Variants in APP observed in about 807,000 individuals in gnomAD.
APP encodes amyloid-beta precursor protein.
Under a neutral mutation model 101.4 loss-of-function variants are expected in APP, and 31 were observed. The observed-to-expected ratio is 0.31, with a 90% CI of 0.23 to 0.41. The LOEUF (loss-of-function observed/expected upper bound fraction) is 0.41, where lower values mean the gene tolerates loss of function less well. Among genes scored for constraint, APP ranks in the 10% least tolerant of loss-of-function variants. APP has a pLI of 1.00. For missense variants in APP, 839 were observed against 1,003.7 expected, an observed-to-expected ratio of 0.84 and a Z score of 2.22; for synonymous variants, 366 against 364.4, an observed-to-expected ratio of 1.00 and a Z score of -0.05.
At chr21:25,884,504 CTG>C (rs1446297380) in intron 17 of APP, among the ~76,000 whole-genome samples, 4 of 152,212 alleles carry the variant, frequency 2.6e-5, no homozygotes, top group South Asian at 2.1e-4. Context: ...TAACTGGTAA[CTG>C]TGTAATTAGC....
intron 4 of APP, 89 bp from the exon 5 acceptor site, chr21:26,051,282 CCAAT>C: frequency 7.6e-7 from 1 of 1,318,120 alleles, no homozygotes; most frequent in South Asian, 1.3e-5. Flanking sequence ...ACATGCAGAC[CCAAT>C]ATATTAGGAA....
rs542159565 is a variant in APP at position 25,948,969 on chromosome 21, T to C, written c.1687+5621A>G. ...ACTGAAATAATGATTCCATCGTTTGTTGAATGAAAAAATATTAATGAAGAC... is the reference window on the plus strand; with the variant it reads ...ACTGAAATAATGATTCCATCGTTTGCTGAATGAAAAAATATTAATGAAGAC... On this transcript the variant is annotated intron_variant, in intron 13 of 17. Coordinates refer to ENST00000346798, the MANE Select transcript of APP (RefSeq NM_000484.4). 1.1e-4 allele frequency among the ~76,000 whole-genome samples: 16 copies of C among 152,270 alleles called. No homozygotes were observed. In the East Asian group the frequency reaches 2.7e-3, roughly 26 times the overall value.
chr21:26,157,593 C>G (rs1376595260), intron 1 of APP, among the ~76,000 whole-genome samples: 1 of 152,192 alleles, frequency 6.6e-6, no homozygotes, highest in African/African-American at 2.4e-5. Flanking sequence ...AATGATGATT[C>G]TATCAGGCCT....
intron 1 of APP, among the ~76,000 whole-genome samples, chr21:26,112,854 C>T (rs2062359238): frequency 6.6e-6 from 1 of 152,152 alleles, no homozygotes; most frequent in Non-Finnish European, 1.5e-5. Context: ...CTACATAGTG[C>T]CTGCTGGGTA....
At chr21:26,149,061 G>T (rs1436958825) in intron 1 of APP, among the ~76,000 whole-genome samples, 1 of 152,218 alleles carries the variant, frequency 6.6e-6, no homozygotes, top group Admixed American at 6.5e-5. Flanking sequence ...TCAGCATTCA[G>T]AACTTCCTGC....
intron 3 of APP, among the ~76,000 whole-genome samples, chr21:26,055,411 T>C (rs754512537): frequency 6.6e-6 from 1 of 152,136 alleles, no homozygotes; most frequent in Non-Finnish European, 1.5e-5. Flanking sequence ...CATAGAATGA[T>C]ATAAAACAAA....
At chr21:26,070,376 G>C (rs989591434) in intron 3 of APP, among the ~76,000 whole-genome samples, 2 of 152,080 alleles carry the variant, frequency 1.3e-5, no homozygotes, top group African/African-American at 4.8e-5. Context: ...TGAATTTCTG[G>C]ACTTCTAAGG....
chr21:25,957,385 C>G (rs1171520005), intron 11 of APP, among the ~76,000 whole-genome samples: 1 of 152,136 alleles, frequency 6.6e-6, no homozygotes, highest in African/African-American at 2.4e-5. Context: ...TTGAAAACAT[C>G]AGAGATTAAA....
intron 3 of APP, among the ~76,000 whole-genome samples, chr21:26,079,845 C>T (rs868366087): frequency 6.6e-6 from 1 of 152,134 alleles, no homozygotes; most frequent in Non-Finnish European, 1.5e-5. Flanking sequence ...CTATCTAGGC[C>T]GGGAATGGTG....
At chr21:26,005,051 A>G (rs543845543) in intron 6 of APP, among the ~76,000 whole-genome samples, 2 of 152,278 alleles carry the variant, frequency 1.3e-5, no homozygotes, top group East Asian at 3.9e-4. Flanking sequence ...CCAGTCTATC[A>G]TTGATGGACA....
intron 6 of APP, among the ~76,000 whole-genome samples, chr21:26,005,775 AT>A (rs2043505098): frequency 6.6e-6 from 1 of 152,234 alleles, no homozygotes; most frequent in Admixed American, 6.5e-5. Context: ...TTCTAAAAAC[AT>A]CAGCAAAAAA....
At chr21:25,984,055 G>C (rs1451737624) in intron 8 of APP, among the ~76,000 whole-genome samples, 1 of 152,166 alleles carries the variant, frequency 6.6e-6, no homozygotes, top group African/African-American at 2.4e-5. Flanking sequence ...CATACCACAT[G>C]TAAGTCATCC....
intron 8 of APP, among the ~76,000 whole-genome samples, chr21:25,987,953 T>C (rs983461110): frequency 3.3e-5 from 5 of 152,186 alleles, no homozygotes; most frequent in Admixed American, 1.3e-4. Flanking sequence ...TAAGTCATAT[T>C]GTTAATATGT....
intron 1 of APP, among the ~76,000 whole-genome samples, chr21:26,157,680 T>C (rs1280369971): frequency 6.6e-6 from 1 of 152,226 alleles, no homozygotes; most frequent in Non-Finnish European, 1.5e-5. Context: ...TAATCACTTT[T>C]AGAATAATTG....
intron 2 of APP, among the ~76,000 whole-genome samples, chr21:26,103,920 C>T (rs1463474131): frequency 1.3e-5 from 2 of 152,208 alleles, no homozygotes; most frequent in Admixed American, 1.3e-4. Context: ...TGTCTTAGCT[C>T]AAAATGCTGC....
chr21:25,925,398 G>T (rs1601420994), intron 13 of APP, among the ~76,000 whole-genome samples: 1 of 152,086 alleles, frequency 6.6e-6, no homozygotes, highest in Admixed American at 6.5e-5. Context: ...CAGTCCCTTC[G>T]CTTTGAATCC....
rs45585941 is a variant in APP at position 26,067,025 on chromosome 21, A to T, written c.356-13677T>A. 3.4e-3 allele frequency among the ~76,000 whole-genome samples: 513 copies of T among 152,338 alleles called. 18 individuals are homozygous for T. Among genetic ancestry groups the T allele is most frequent in the Admixed American group, 0.029 (439 of 15,302 alleles). ...ACCATTCTATGCAGGTCCATGTAGG[A>T]TACAAAAGAACCGAGATATAGTTCT... On this transcript the variant is annotated intron_variant, in intron 3 of 17. Transcript: ENST00000346798.
intron 15 of APP, among the ~76,000 whole-genome samples, chr21:25,898,599 A>G (rs1263076010): frequency 6.6e-6 from 1 of 152,024 alleles, no homozygotes; most frequent in East Asian, 1.9e-4. Flanking sequence ...GAATGTATCA[A>G]TTTCCCTCCA....
rs770493889 is a variant in APP at position 26,090,066 on chromosome 21, G to A, written c.232C>T (p.Pro78Ser). The stretch of plus-strand genomic sequence containing the variant: ...ACCACATTGGTGATCTGCAGTTCAG[G>A]GTAGACCTGGGAGAGCACACAAAAA... ...GILQYCQEVY[P>S]ELQITNVVEA... The change falls in exon 3 of 18, where the codon CCT (proline) becomes TCT (serine). Residue 78 changes from proline (P) to serine (S), a missense_variant. Physicochemically the swap from Pro to Ser is moderately conservative, Grantham distance 74. Transcript: ENST00000346798. 2 of 1,614,090 alleles carry A rather than the reference G, an allele frequency of 1.2e-6. No individual in the cohort carries two copies. Among genetic ancestry groups the A allele is most frequent in the South Asian group, 2.2e-5 (2 of 91,076 alleles).
Sources: allele counts gnomAD v4.1 joint callset (sites outside exome capture counted in the v4.1 genomes callset), GRCh38; gene constraint gnomAD v4.1.1; transcripts MANE v1.5; gene names NCBI Gene and HGNC (gene_info 2026-07-23, HGNC 2026-07-21).